The following CPSF7 variants were observed in gnomAD, a reference collection of about 807,000 sequenced individuals.
CPSF7 encodes the protein cleavage and polyadenylation specificity factor subunit 7.
CPSF7 carries 1 observed loss-of-function variant against 44.3 expected under a neutral mutation model. The ratio of observed to expected loss-of-function variants is 0.02; its 90% confidence interval spans 0.01 to 0.11. CPSF7 has a LOEUF of 0.11. CPSF7 is among the 10% of genes least tolerant of loss of function. CPSF7 has a pLI of 1.00. For synonymous variants in CPSF7, 202 were observed against 222.0 expected, an observed-to-expected ratio of 0.91 and a Z score of 0.80; for missense variants, 443 against 607.2, an observed-to-expected ratio of 0.73 and a Z score of 2.84.
Position 61,404,272 on chromosome 11 carries a change from C to T in CPSF7, c.*438G>A, listed in dbSNP as rs1859111674. On this transcript the variant is annotated 3_prime_UTR_variant, in exon 10 of 10. Transcript: ENST00000439958. ...TTAAATCTAGTGCTGAGGGCAGGAC[C>T]CTGGGCATATTTTGGCACACCCAGT... 6.6e-6 allele frequency: 1 copy of T among 152,448 alleles called. No homozygotes were observed. Among genetic ancestry groups the T allele is most frequent in the Non-Finnish European group, 1.5e-5 (1 of 68,024 alleles). 9.4% of individuals were successfully genotyped at this position (152,448 alleles called of 1,614,324 possible).
Position 61,416,475 on chromosome 11 carries a change from C to T in CPSF7, c.568G>A (p.Asp190Asn), listed in dbSNP as rs1437568951. 8.1e-6 allele frequency: 13 copies of T among 1,614,000 alleles called. No individual in the cohort carries two copies. Among genetic ancestry groups the T allele is most frequent in the Non-Finnish European group, 1.0e-5 (12 of 1,180,008 alleles). ...AHSRDSSDSADGRATPSENLV... is the reference protein window; with the variant it reads ...AHSRDSSDSANGRATPSENLV... ...TTCTCAGAGGGTGTGGCCCGTCCAT[C>T]AGCAGAATCACTAGAATCTCGGGAA... Residue 190 changes from aspartate (D) to asparagine (N), a missense_variant, in exon 6 of 10, where the codon GAT becomes AAT. Physicochemically the swap from Asp to Asn is conservative, Grantham distance 23 (BLOSUM62 1). Transcript: ENST00000439958.
intron 3 of CPSF7, chr11:61,421,172 CAGAAAA>C: frequency 7.5e-7 from 1 of 1,334,772 alleles, no homozygotes; most frequent in Admixed American, 2.0e-5. Context: ...AACAAGATGG[CAGAAAA>C]AGCAACTACC....
Position 61,411,893 on chromosome 11 carries a change from C to A in CPSF7, c.1102G>T (p.Val368Phe). 1 of 1,614,188 alleles carries A rather than the reference C, an allele frequency of 6.2e-7. No homozygotes were observed. Among genetic ancestry groups the A allele is most frequent in the East Asian group, 2.2e-5 (1 of 44,888 alleles). Residue 368 changes from valine to phenylalanine, a missense_variant, in exon 8 of 10, where the codon GTT becomes TTT. Transcript: ENST00000439958. ...AIETLLTAIA[V>F]IKQSRVANDE... Reference sequence around the variant, plus strand: ...TTGGCAACCCGGGACTGTTTGATAACCGCAATGGCTGTGAGCAGCGTCTCA... The same window carrying A: ...TTGGCAACCCGGGACTGTTTGATAAACGCAATGGCTGTGAGCAGCGTCTCA...
At chr11:61,428,314 A>G (rs1409769075) in intron 2 of CPSF7, among the ~76,000 whole-genome samples, 1 of 151,950 alleles carries the variant, frequency 6.6e-6, no homozygotes, top group Non-Finnish European at 1.5e-5. Flanking sequence ...TCCAGAGTAG[A>G]TGGGACTACA....
intron 1 of CPSF7, 40 bp from the exon 2 acceptor site, chr11:61,429,330 G>A (rs759217888): frequency 4.1e-6 from 5 of 1,233,316 alleles, no homozygotes; most frequent in Non-Finnish European, 6.0e-6. Context: ...GAAGGCACGA[G>A]GGTCCTGGGC....
chr11:61,419,275 G>A (rs762600244), intron 5 of CPSF7, among the ~76,000 whole-genome samples: 73 of 152,158 alleles, frequency 4.8e-4, no homozygotes, highest in Non-Finnish European at 8.8e-4. Flanking sequence ...ACCCACCTCG[G>A]CCTCTCAAAG....
At chr11:61,413,090 T>A (rs1164374414) in intron 7 of CPSF7, among the ~76,000 whole-genome samples, 1 of 152,066 alleles carries the variant, frequency 6.6e-6, no homozygotes, top group Non-Finnish European at 1.5e-5. Flanking sequence ...CCTGGCTTAT[T>A]TTTCAAAAAT....
At chr11:61,427,062 T>G (rs1375563799) in intron 2 of CPSF7, 1 of 113,544 alleles carries the variant, frequency 8.8e-6, no homozygotes, top group Non-Finnish European at 1.8e-5. Context: ...AGAGAAGAAC[T>G]AAGGACCGCT....
At chr11:61,421,726 G>T in intron 2 of CPSF7, 118 bp from the exon 3 acceptor site, 2 of 706,812 alleles carry the variant, frequency 2.8e-6, no homozygotes, top group Non-Finnish European at 4.8e-6. Context: ...AAACTTCCTT[G>T]TCCTACCCCA....
At chr11:61,413,605 G>A (rs994881041) in intron 7 of CPSF7, among the ~76,000 whole-genome samples, 1 of 149,550 alleles carries the variant, frequency 6.7e-6, no homozygotes, top group African/African-American at 2.5e-5. Flanking sequence ...CACTACTCCA[G>A]CTTGGGCAAT....
Position 61,416,381 on chromosome 11 carries a change from G to A in CPSF7, c.662C>T (p.Ser221Leu), listed in dbSNP as rs1272108354. 1 of 1,612,606 alleles carries A rather than the reference G, an allele frequency of 6.2e-7. No individual in the cohort carries two copies. Among genetic ancestry groups the A allele is most frequent in the Non-Finnish European group, 8.5e-7 (1 of 1,179,174 alleles). ...SVLPYFNRPP[S>L]ALPLMGLPPP... ...GGGCAGACCCATCAGGGGAAGGGCC[G>A]AAGGAGGACGATTGAAGTAGGGCAG... Residue 221 changes from serine to leucine, a missense_variant, in exon 6 of 10, where the codon TCG becomes TTG. Coordinates refer to ENST00000439958, the MANE Select transcript of CPSF7 (RefSeq NM_001142565.3).
chr11:61,413,710 C>G (rs1297561880), intron 7 of CPSF7, among the ~76,000 whole-genome samples: 1 of 151,956 alleles, frequency 6.6e-6, no homozygotes, highest in South Asian at 2.1e-4. Context: ...ATGCCTGGCT[C>G]AGGGATAGTG....
intron 2 of CPSF7, among the ~76,000 whole-genome samples, chr11:61,423,169 CTTTT>C (rs35043745): frequency 1.5e-4 from 9 of 60,792 alleles, no homozygotes; most frequent in African/African-American, 4.6e-4. Flanking sequence ...TCAGAGAAAT[CTTTT>C]TTTTTTTTTT....
intron 2 of CPSF7, among the ~76,000 whole-genome samples, chr11:61,422,313 G>A (rs1439221806): frequency 6.6e-6 from 1 of 151,788 alleles, no homozygotes. Flanking sequence ...ATGTATCTAG[G>A]AGACTTTTTT....
chr11:61,429,634 C>G (rs1861757724), intron 1 of CPSF7: 1 of 1,129,302 alleles, frequency 8.9e-7, no homozygotes, highest in South Asian at 1.4e-5. Context: ...GCTGCACCTG[C>G]CTAGCCCCCA....
At position 61,416,259 on chromosome 11, in the gene CPSF7, G is replaced by C. The variant is rs779324227; in HGVS notation, c.784C>G (p.Pro262Ala). The C allele has an allele frequency of 6.5e-7, 1 of 1,535,412 alleles. No individual in the cohort carries two copies. Among genetic ancestry groups the C allele is most frequent in the Non-Finnish European group, 8.8e-7 (1 of 1,142,438 alleles). ...IHYQHLMPPP[P>A]RLPPHLAVPP... ...ACAGCAAGATGAGGAGGTAATCGAG[G>C]AGGTGGGGGCATGAGATGCTGGTAG... Residue 262 changes from proline (P) to alanine (A), a missense_variant, in exon 6 of 10, where the codon CCT (proline) becomes GCT (alanine). By Grantham distance (27) the Pro-to-Ala change is conservative. Transcript: ENST00000439958.
At chr11:61,421,805 C>T (rs1251482800) in intron 2 of CPSF7, among the ~76,000 whole-genome samples, 197 bp from the exon 3 acceptor site, 1 of 151,954 alleles carries the variant, frequency 6.6e-6, no homozygotes, top group Non-Finnish European at 1.5e-5. Context: ...CATTTTTTTC[C>T]CCTCAAGATT....
In CPSF7 at chr11:61,415,751, A is replaced by T; in HGVS notation, c.972T>A (p.Ser324Arg). 1 of 1,614,092 alleles carries T rather than the reference A, an allele frequency of 6.2e-7. No individual in the cohort carries two copies. Among genetic ancestry groups the T allele is most frequent in the Non-Finnish European group, 8.5e-7 (1 of 1,179,934 alleles). Reference protein sequence around the residue: ...RDSGPPPSTVSEAEFEDIMKR... With the variant: ...RDSGPPPSTVREAEFEDIMKR... ...TCATGATATCTTCAAATTCGGCTTC[A>T]CTCACTGTAGAGGGTGGAGGGCCCG... is the stretch of plus-strand genomic sequence containing the variant. The change falls in exon 7 of 10, where the codon AGT becomes AGA. Residue 324 changes from serine (S) to arginine (R), a missense_variant. Transcript: ENST00000439958.
At chr11:61,423,647 G>A (rs1047210573) in intron 2 of CPSF7, among the ~76,000 whole-genome samples, 2 of 152,150 alleles carry the variant, frequency 1.3e-5, no homozygotes, top group Non-Finnish European at 2.9e-5. Flanking sequence ...AGGGAATAAA[G>A]GAGGCACCTA....
Sources: gnomAD v4.1 joint callset for allele counts (sites outside exome capture counted in the v4.1 genomes callset) on GRCh38, gnomAD v4.1.1 for gene constraint, MANE v1.5 for transcripts, NCBI Gene and HGNC (gene_info 2026-07-23, HGNC 2026-07-21) for gene names.